The following TMEM117 variants were observed in gnomAD, a reference collection of about 807,000 sequenced individuals.
The protein encoded by TMEM117 is transmembrane protein 117.
A neutral mutation model predicts 52.4 loss-of-function variants in TMEM117; 27 were observed. That is an observed-to-expected ratio of 0.51 (90% CI 0.38 to 0.71). TMEM117 has a LOEUF of 0.71. Ranked by LOEUF, TMEM117 falls within the 30% of genes least tolerant of loss-of-function variation. The pLI is 0.00. For missense variants in TMEM117, 556 were observed against 630.5 expected (o/e 0.88, Z 1.26); for synonymous variants, 215 against 206.3 (o/e 1.04, Z -0.36).
chr12:44,143,500 A>G (rs754223002), intron 3 of TMEM117, 25 bp from the exon 4 acceptor site: 1 of 1,574,310 alleles, frequency 6.4e-7, no homozygotes, highest in Admixed American at 1.7e-5. Flanking sequence ...AGTCCGGACA[A>G]TGTCTTGTGT....
At chr12:44,314,531 A>G (rs531531681) in intron 6 of TMEM117, among the ~76,000 whole-genome samples, 2 of 142,082 alleles carry the variant, frequency 1.4e-5, no homozygotes, top group African/African-American at 5.2e-5. Context: ...TTTTGTGTCT[A>G]TGTTTATCAG....
At chr12:43,871,001 T>TC (rs756363626) in intron 2 of TMEM117, among the ~76,000 whole-genome samples, 24 of 152,260 alleles carry the variant, frequency 1.6e-4, no homozygotes, top group Non-Finnish European at 2.2e-4. Flanking sequence ...GCCAGGCTGG[T>TC]CTCGAACTCC....
chr12:44,312,829 G>A (rs764443428), intron 6 of TMEM117, among the ~76,000 whole-genome samples: 2 of 152,066 alleles, frequency 1.3e-5, no homozygotes, highest in Non-Finnish European at 2.9e-5. Flanking sequence ...ATCTCATTGT[G>A]GTTTTGATTT....
intron 5 of TMEM117, among the ~76,000 whole-genome samples, chr12:44,258,750 A>G (rs1483386489): frequency 2.6e-5 from 4 of 152,188 alleles, no homozygotes; most frequent in Non-Finnish European, 5.9e-5. Flanking sequence ...TAAACTTTAC[A>G]GAATTAGCAA....
At chr12:44,296,883 C>A (rs1433594645) in intron 5 of TMEM117, among the ~76,000 whole-genome samples, 4 of 152,180 alleles carry the variant, frequency 2.6e-5, no homozygotes. Flanking sequence ...GGAGTTGTAG[C>A]CAAGTTCATA....
At chr12:43,893,842 G>A (rs1416161907) in intron 2 of TMEM117, among the ~76,000 whole-genome samples, 8 of 152,292 alleles carry the variant, frequency 5.3e-5, no homozygotes, top group Admixed American at 6.5e-5. Context: ...ACTCGGGTGC[G>A]TGACTCATCA....
chr12:44,269,263 AAAAGG>A (rs1310286850), intron 5 of TMEM117, among the ~76,000 whole-genome samples: 11 of 151,918 alleles, frequency 7.2e-5, no homozygotes, highest in African/African-American at 2.7e-4. Flanking sequence ...GCATAAATTT[AAAAGG>A]AAAACACTAC....
At chr12:44,057,897 T>G (rs1408082064) in intron 3 of TMEM117, among the ~76,000 whole-genome samples, 1 of 152,212 alleles carries the variant, frequency 6.6e-6, no homozygotes, top group Non-Finnish European at 1.5e-5. Flanking sequence ...TGTTTATGTG[T>G]AAAGCACTGG....
intron 6 of TMEM117, among the ~76,000 whole-genome samples, chr12:44,358,808 C>T (rs925797644): frequency 6.6e-6 from 1 of 152,080 alleles, no homozygotes; most frequent in African/African-American, 2.4e-5. Flanking sequence ...GCAGCAACCT[C>T]CTCCCACTCC....
intron 5 of TMEM117, among the ~76,000 whole-genome samples, chr12:44,289,611 G>A (rs1319540977): frequency 7.1e-6 from 1 of 141,390 alleles, no homozygotes; most frequent in Non-Finnish European, 1.5e-5. Context: ...GGAGTGCAGT[G>A]GCACAATCTC....
intron 4 of TMEM117, among the ~76,000 whole-genome samples, chr12:44,185,987 A>C (rs1949273286): frequency 6.6e-6 from 1 of 152,048 alleles, no homozygotes; most frequent in South Asian, 2.1e-4. Context: ...ATTCTAACCC[A>C]AAGCAGCACT....
intron 6 of TMEM117, among the ~76,000 whole-genome samples, chr12:44,371,995 CAAGATGCA>C (rs1229357248): frequency 4.6e-5 from 7 of 152,116 alleles, no homozygotes; most frequent in Non-Finnish European, 1.0e-4. Context: ...ATATATGAAG[CAAGATGCA>C]AAGTTGGGAG....
chr12:44,201,783 C>T (rs1475004589), intron 4 of TMEM117, among the ~76,000 whole-genome samples: 1 of 152,110 alleles, frequency 6.6e-6, no homozygotes, highest in Non-Finnish European at 1.5e-5. Flanking sequence ...ATATCGTTGT[C>T]TTGCCAATTT....
chr12:44,063,985 A>G (rs903486621), intron 3 of TMEM117, among the ~76,000 whole-genome samples: 2 of 152,092 alleles, frequency 1.3e-5, no homozygotes, highest in Non-Finnish European at 2.9e-5. Context: ...CTCTTCCAGT[A>G]TTAGGGAGAT....
intron 5 of TMEM117, among the ~76,000 whole-genome samples, chr12:44,297,548 A>G (rs1950784054): frequency 6.6e-6 from 1 of 152,196 alleles, no homozygotes; most frequent in Non-Finnish European, 1.5e-5. Context: ...TTACCAACCT[A>G]TACAGCCATA....
intron 5 of TMEM117, among the ~76,000 whole-genome samples, chr12:44,236,092 C>T (rs1337658670): frequency 6.6e-6 from 1 of 151,294 alleles, no homozygotes; most frequent in Non-Finnish European, 1.5e-5. Context: ...TTTTATTTAT[C>T]ATTCTTGTGA....
chr12:44,171,640 T>G (rs1020583244), intron 4 of TMEM117, among the ~76,000 whole-genome samples: 1 of 152,188 alleles, frequency 6.6e-6, no homozygotes, highest in Admixed American at 6.5e-5. Context: ...TTTAATATCA[T>G]AGTAAAATCG....
intron 5 of TMEM117, among the ~76,000 whole-genome samples, chr12:44,234,820 T>C (rs1007287272): frequency 2.0e-5 from 3 of 151,586 alleles, no homozygotes; most frequent in Non-Finnish European, 4.4e-5. Context: ...CTGTGTGTAA[T>C]TTCAACATTT....
At chr12:43,897,647 T>C (rs1944229205) in intron 2 of TMEM117, among the ~76,000 whole-genome samples, 1 of 151,684 alleles carries the variant, frequency 6.6e-6, no homozygotes. Flanking sequence ...TTGCTCTGTT[T>C]CCCAGGCTGG....
Sources: allele counts gnomAD v4.1 joint callset (sites outside exome capture counted in the v4.1 genomes callset), GRCh38; gene constraint gnomAD v4.1.1; transcripts MANE v1.5; gene names NCBI Gene and HGNC (gene_info 2026-07-23, HGNC 2026-07-21).